The following ZMAT4 variants were observed in gnomAD, a reference collection of about 807,000 sequenced individuals.
ZMAT4 encodes zinc finger matrin-type 4.
ZMAT4 carries 17 observed loss-of-function variants against 28.7 expected under a neutral mutation model. The ratio of observed to expected loss-of-function variants is 0.59; its 90% CI spans 0.41 to 0.89. The LOEUF is 0.89. ZMAT4 is among the 40% of genes least tolerant of loss of function. The pLI, the probability that ZMAT4 is intolerant of heterozygous loss-of-function variation, is 0.00. For missense variants in ZMAT4, 240 were observed against 283.8 expected, an observed-to-expected ratio of 0.85 and a Z score of 1.11; for synonymous variants, 117 against 109.2, an observed-to-expected ratio of 1.07 and a Z score of -0.44.
At chr8:40,562,804 T>C (rs1279678603) in intron 6 of ZMAT4, among the ~76,000 whole-genome samples, 2 of 152,174 alleles carry the variant, frequency 1.3e-5, no homozygotes, top group Non-Finnish European at 2.9e-5. Flanking sequence ...CTTGAAATGT[T>C]TTTTTCTCCC....
intron 1 of ZMAT4, among the ~76,000 whole-genome samples, chr8:40,851,300 C>T (rs1817098320): frequency 6.6e-6 from 1 of 152,068 alleles, no homozygotes; most frequent in East Asian, 1.9e-4. Flanking sequence ...TGCTCTCCAG[C>T]CTGAGTGATA....
chr8:40,613,091 G>T (rs1422433955), intron 5 of ZMAT4, among the ~76,000 whole-genome samples: 2 of 151,462 alleles, frequency 1.3e-5, no homozygotes, highest in Non-Finnish European at 2.9e-5. Context: ...GATTACAGGT[G>T]TGAGCCACCG....
intron 5 of ZMAT4, among the ~76,000 whole-genome samples, chr8:40,643,229 C>G (rs117179950): frequency 6.6e-6 from 1 of 152,026 alleles, no homozygotes; most frequent in African/African-American, 2.4e-5. Context: ...TTTGTTTCCA[C>G]GGTGGCAATG....
intron 2 of ZMAT4, among the ~76,000 whole-genome samples, chr8:40,773,502 G>A (rs71519577): frequency 0.22 from 25,082 of 113,756 alleles, 2,545 homozygotes; most frequent in Middle Eastern, 0.31. Context: ...AAGATTGGTG[G>A]CATCTATAAA....
chr8:40,882,615 C>A (rs1318426415), intron 1 of ZMAT4, among the ~76,000 whole-genome samples: 1 of 152,194 alleles, frequency 6.6e-6, no homozygotes, highest in Non-Finnish European at 1.5e-5. Context: ...CCACCACCAC[C>A]ACCAGCAGCG....
chr8:40,661,745 G>A (rs1160983929), intron 5 of ZMAT4, among the ~76,000 whole-genome samples: 1 of 152,202 alleles, frequency 6.6e-6, no homozygotes, highest in Non-Finnish European at 1.5e-5. Flanking sequence ...TTCAGAGGCA[G>A]CATAATGGAT....
At chr8:40,831,462 C>T (rs556379545) in intron 1 of ZMAT4, among the ~76,000 whole-genome samples, 2 of 152,284 alleles carry the variant, frequency 1.3e-5, no homozygotes, top group Admixed American at 1.3e-4. Context: ...GAACCCACAG[C>T]ACTCACCGTG....
intron 2 of ZMAT4, among the ~76,000 whole-genome samples, chr8:40,820,465 T>G (rs1815723951): frequency 6.6e-6 from 1 of 150,458 alleles, no homozygotes; most frequent in Non-Finnish European, 1.5e-5. Context: ...TGTCTGGGGG[T>G]GTATGTGTGT....
chr8:40,639,940 T>C (rs1474974046), intron 5 of ZMAT4, among the ~76,000 whole-genome samples: 1 of 152,172 alleles, frequency 6.6e-6, no homozygotes, highest in Non-Finnish European at 1.5e-5. Context: ...TCTCATTCTA[T>C]TATATCCATC....
At position 40,881,538 on chromosome 8, in the gene ZMAT4, GAAAGAAAGAAAGAA is replaced by G. The variant is rs1467458680; in HGVS notation, c.-5+16131_-5+16144del. ...GGGGAGAGAGAGAGACAGAAAGAAA[GAAAGAAAGAAAGAA>G]AGAAAGAAAGAAAGAAAGAAAGAAA... On this transcript the variant is annotated intron_variant, in intron 1 of 6. Coordinates refer to ENST00000297737, the MANE Select transcript of ZMAT4 (RefSeq NM_024645.3). Among the ~76,000 whole-genome samples, 69 of 70,384 alleles carry G rather than the reference GAAAGAAAGAAAGAA, an allele frequency of 9.8e-4. 2 individuals carry two copies. Among genetic ancestry groups the G allele is most frequent in the African/African-American group, 2.3e-3 (37 of 16,192 alleles). 46.2% of individuals were successfully genotyped at this position (70,384 alleles called of 152,430 possible).
chr8:40,686,291 G>T (rs1809403640), intron 4 of ZMAT4, among the ~76,000 whole-genome samples: 1 of 152,040 alleles, frequency 6.6e-6, no homozygotes, highest in African/African-American at 2.4e-5. Context: ...GAGGTGGGAA[G>T]ATTGCTTGAA....
At chr8:40,605,603 T>C (rs1805553176) in intron 5 of ZMAT4, among the ~76,000 whole-genome samples, 2 of 152,256 alleles carry the variant, frequency 1.3e-5, no homozygotes, top group Admixed American at 6.5e-5. Context: ...TCTTGGAGAA[T>C]GTTCCATGTG....
intron 2 of ZMAT4, among the ~76,000 whole-genome samples, chr8:40,799,294 T>G (rs564440412): frequency 6.6e-6 from 1 of 152,202 alleles, no homozygotes; most frequent in African/African-American, 2.4e-5. Flanking sequence ...GAGAGACAGA[T>G]AGATATCCAA....
chr8:40,697,515 C>T (rs1809945037), intron 3 of ZMAT4, 114 bp from the exon 4 acceptor site: 1 of 1,109,868 alleles, frequency 9.0e-7, no homozygotes, highest in Non-Finnish European at 1.2e-6. Flanking sequence ...GTTCTGCAAG[C>T]TGTCTCTCTC....
chr8:40,564,610 G>C (rs754823979), intron 6 of ZMAT4, among the ~76,000 whole-genome samples: 2 of 152,160 alleles, frequency 1.3e-5, no homozygotes, highest in Non-Finnish European at 2.9e-5. Flanking sequence ...TTTGAGAAAA[G>C]GAAGCAATTT....
chr8:40,601,495 G>GAAAGAAAGAAAGAAAGAAAGAA lies in ZMAT4; in HGVS notation c.578-20235_578-20234insTTCTTTCTTTCTTTCTTTCTTT, dbSNP rs1563360151. ...AAAGAAAGAAAGAAAGAAAGAAAGA[G>GAAAGAAAGAAAGAAAGAAAGAA]AGAAAGAAAGAAAGAGAAAGAGAAA... On this transcript the variant is annotated intron_variant, in intron 5 of 6. Coordinates refer to ENST00000297737, the MANE Select transcript of ZMAT4 (RefSeq NM_024645.3). Among the ~76,000 whole-genome samples, 59 of 97,058 alleles carry GAAAGAAAGAAAGAAAGAAAGAA rather than the reference G, an allele frequency of 6.1e-4. 8 individuals carry two copies. Among genetic ancestry groups the GAAAGAAAGAAAGAAAGAAAGAA allele is most frequent in the African/African-American group, 2.5e-3 (58 of 23,422 alleles). 63.7% of individuals were successfully genotyped at this position (97,058 alleles called of 152,430 possible). A position where few individuals can be genotyped will look rare whatever the true frequency, so the allele number is the denominator to read the frequency against.
At chr8:40,573,017 G>A (rs1016314632) in intron 6 of ZMAT4, among the ~76,000 whole-genome samples, 1 of 152,074 alleles carries the variant, frequency 6.6e-6, no homozygotes. Context: ...CCTATAACCT[G>A]AAGATAAGAA....
At chr8:40,576,048 A>C (rs1305424584) in intron 6 of ZMAT4, among the ~76,000 whole-genome samples, 1 of 152,118 alleles carries the variant, frequency 6.6e-6, no homozygotes, top group African/African-American at 2.4e-5. Flanking sequence ...TAAAAAAACC[A>C]GACTAGCTCA....
intron 3 of ZMAT4, among the ~76,000 whole-genome samples, chr8:40,697,802 G>A (rs2150495099): frequency 6.8e-6 from 1 of 146,432 alleles, no homozygotes; most frequent in East Asian, 2.0e-4. Context: ...TTGACATACA[G>A]TTAGTAGCTA....
Sources: gnomAD v4.1 joint callset for allele counts (sites outside exome capture counted in the v4.1 genomes callset) on GRCh38, gnomAD v4.1.1 for gene constraint, MANE v1.5 for transcripts, NCBI Gene and HGNC (gene_info 2026-07-23, HGNC 2026-07-21) for gene names.